OR7A10: variants seen among roughly 807,000 people sequenced by gnomAD.
OR7A10 encodes the protein olfactory receptor family 7 subfamily A member 10.
For missense variants in OR7A10, 358 were observed against 370.1 expected (o/e 0.97, Z 0.27); for synonymous variants, 144 against 144.5 (o/e 1.00, Z 0.02).
intron 1 of OR7A10, 80 bp downstream of exon 1, chr19:14,848,420 T>C (rs1033703892): frequency 1.1e-4 from 17 of 152,262 alleles, no homozygotes; most frequent in African/African-American, 3.6e-4. Flanking sequence ...GCAGCTAGGA[T>C]TGGCTCTTTC....
chr19:14,848,539 T>C lies in OR7A10; in HGVS notation c.-52A>G, dbSNP rs544675616. 2.6e-5 allele frequency: 4 copies of C among 152,358 alleles called. No individual in the cohort carries two copies. In the Middle Eastern group the frequency reaches 0.014, roughly 515 times the overall value. The allele number at this position is 152,358 out of a possible 1,614,324, so 9.4% of individuals were successfully genotyped here. ...TGAAATGAAGGTCTCAATCTAGAAG[T>C]GCAAATTCCTCCCTGGATGGTTGAT... On this transcript the variant is annotated 5_prime_UTR_variant, in exon 1 of 2. Coordinates refer to ENST00000641129, the MANE Select transcript of OR7A10 (RefSeq NM_001005190.2).
intron 1 of OR7A10, among the ~76,000 whole-genome samples, chr19:14,846,973 A>G (rs2044945852): frequency 6.6e-6 from 1 of 152,232 alleles, no homozygotes; most frequent in Non-Finnish European, 1.5e-5. Flanking sequence ...GGGAGACACA[A>G]TGTGACCGAT....
chr19:14,848,121 T>TAA lies in OR7A10; in HGVS notation c.-13+377_-13+378dup, dbSNP rs34015234. ...CTGGGCGACAGAGTAAGACTCTGTC[T>TAA]AAAAAAAAAAAAATGCCCTCACTTC... is the stretch of plus-strand genomic sequence containing the variant. On this transcript the variant is annotated intron_variant, in intron 1 of 1. Transcript: ENST00000641129. 3.7e-4 allele frequency among the ~76,000 whole-genome samples: 54 copies of TAA among 145,576 alleles called. No individual in the cohort carries two copies. The South Asian group carries it at 3.7e-3, about 10-fold the overall frequency.
At chr19:14,847,723 C>A (rs1053630372) in intron 1 of OR7A10, among the ~76,000 whole-genome samples, 65 of 151,720 alleles carry the variant, frequency 4.3e-4, no homozygotes, top group African/African-American at 1.4e-3. Context: ...ACTGTGTTAG[C>A]TAGGATGGTC....
In OR7A10 at chr19:14,840,546, T is replaced by G. The variant is rs755491193; in HGVS notation, c.*402A>C. The G allele has an allele frequency of 6.2e-6, 1 of 160,476 alleles. No homozygotes were observed. The highest frequency in any genetic ancestry group is 1.4e-5 in the Non-Finnish European group (1 of 73,116). The allele number at this position is 160,476 out of a possible 1,614,324, so 9.9% of individuals were successfully genotyped here. On this transcript the variant is annotated 3_prime_UTR_variant, in exon 2 of 2. Coordinates refer to ENST00000641129, the MANE Select transcript of OR7A10 (RefSeq NM_001005190.2). The stretch of plus-strand genomic sequence containing the variant: ...TGTTAGGACAATGGAAGGAGTCATA[T>G]TTGTAGGCAGCACTGGAAAACATTA...
chr19:14,843,881 G>C (rs1406581321), intron 1 of OR7A10, among the ~76,000 whole-genome samples: 1 of 152,148 alleles, frequency 6.6e-6, no homozygotes, highest in Non-Finnish European at 1.5e-5. Context: ...ATGGACACAG[G>C]GAGGGGAACA....
At chr19:14,844,664 G>GTCTTTTTTTTTTTTTTT (rs2044931541) in intron 1 of OR7A10, among the ~76,000 whole-genome samples, 1 of 97,660 alleles carries the variant, frequency 1.0e-5, no homozygotes, top group Non-Finnish European at 2.0e-5. Context: ...TGAGTTCTGT[G>GTCTTTTTTTTTTTTTTT]TTTTTTTTTT....
At chr19:14,845,895 C>T (rs1266820930) in intron 1 of OR7A10, among the ~76,000 whole-genome samples, 1 of 152,134 alleles carries the variant, frequency 6.6e-6, no homozygotes, top group African/African-American at 2.4e-5. Context: ...ACAATTTTAA[C>T]ATAAAAATTC....
At position 14,841,400 on chromosome 19, in the gene OR7A10, T is replaced by C; in HGVS notation, c.478A>G (p.Ser160Gly). ...AAGGGCAGTGGCAACACCATTAAGC[T>C]TTGTAACATGGAATTCAGAACACTC... ...IMSVLNSMLQ[S>G]LMVLPLPFCT... Residue 160 changes from serine (S) to glycine (G), a missense_variant, in exon 2 of 2, where the codon AGC becomes GGC. By Grantham distance (56) the Ser-to-Gly change is moderately conservative (BLOSUM62 0). Coordinates refer to ENST00000641129, the MANE Select transcript of OR7A10 (RefSeq NM_001005190.2). 6.2e-7 allele frequency: 1 copy of C among 1,614,066 alleles called. No homozygotes were observed. Among genetic ancestry groups the C allele is most frequent in the South Asian group, 1.1e-5 (1 of 91,072 alleles).
chr19:14,847,192 C>T (rs1242576578), intron 1 of OR7A10, among the ~76,000 whole-genome samples: 1 of 152,080 alleles, frequency 6.6e-6, no homozygotes, highest in East Asian at 1.9e-4. Flanking sequence ...ATAAAAAACA[C>T]GAATAAAATC....
Position 14,841,862 on chromosome 19 carries a change from T to A in OR7A10, c.16A>T (p.Asn6Tyr). ...AGAAGAAATTCTAAAATTATTGTATTGTTCCATGATTTCATCTTGTGATGT... is the reference window on the plus strand; with the variant it reads ...AGAAGAAATTCTAAAATTATTGTATAGTTCCATGATTTCATCTTGTGATGT... Reference protein sequence around the residue: MKSWNNTIILEFLLLG... With the variant: MKSWNYTIILEFLLLG... The change falls in exon 2 of 2, where the codon AAT becomes TAT. Residue 6 changes from asparagine to tyrosine, a missense_variant. Coordinates refer to ENST00000641129, the MANE Select transcript of OR7A10 (RefSeq NM_001005190.2). The A allele has an allele frequency of 1.2e-6, 2 of 1,605,910 alleles. No homozygotes were observed. Among genetic ancestry groups the A allele is most frequent in the African/African-American group, 1.3e-5 (1 of 74,672 alleles).
intron 1 of OR7A10, among the ~76,000 whole-genome samples, chr19:14,844,566 A>ATGT (rs992773658): frequency 1.3e-5 from 2 of 151,364 alleles, no homozygotes; most frequent in Non-Finnish European, 2.9e-5. Context: ...CTCGGTCCTG[A>ATGT]TGTTGTTGCA....
At chr19:14,843,881 G>A (rs1406581321) in intron 1 of OR7A10, among the ~76,000 whole-genome samples, 2 of 152,146 alleles carry the variant, frequency 1.3e-5, no homozygotes, top group East Asian at 3.9e-4. Flanking sequence ...ATGGACACAG[G>A]GAGGGGAACA....
rs1267051486 is a variant in OR7A10, at chr19:14,848,666, C to T, written c.-179G>A. The T allele has an allele frequency of 2.0e-5, 3 of 152,110 alleles. No homozygotes were observed. The highest frequency in any genetic ancestry group is 4.4e-5 in the Non-Finnish European group (3 of 68,060). 9.4% of individuals were successfully genotyped at this position (152,110 alleles called of 1,614,324 possible). A position where few individuals can be genotyped will look rare whatever the true frequency, so the allele number is the denominator to read the frequency against. On this transcript the variant is annotated 5_prime_UTR_variant, in exon 1 of 2. Coordinates refer to ENST00000641129, the MANE Select transcript of OR7A10 (RefSeq NM_001005190.2). Reference sequence around the variant, plus strand: ...TAGACTCCGAAAGAAACAAGGATGTCCCATCCAGCCCAAGGTTGCATATGC... The same window carrying T: ...TAGACTCCGAAAGAAACAAGGATGTTCCATCCAGCCCAAGGTTGCATATGC...
At chr19:14,844,442 G>T (rs1423927467) in intron 1 of OR7A10, among the ~76,000 whole-genome samples, 2 of 152,120 alleles carry the variant, frequency 1.3e-5, no homozygotes, top group Non-Finnish European at 2.9e-5. Context: ...GGCTAACAAG[G>T]AATCCAGTGT....
chr19:14,848,155 T>A (rs978054342), intron 1 of OR7A10, among the ~76,000 whole-genome samples: 16 of 151,676 alleles, frequency 1.1e-4, no homozygotes, highest in Admixed American at 9.9e-4. Flanking sequence ...TCCTTTCGTA[T>A]CCCCCATAGC....
At position 14,848,782 on chromosome 19, in the gene OR7A10, A is replaced by C. The variant is rs1284310569; in HGVS notation, c.-295T>G. The C allele has an allele frequency of 6.6e-6, 1 of 152,240 alleles. No homozygotes were observed. Among genetic ancestry groups the C allele is most frequent in the Non-Finnish European group, 1.5e-5 (1 of 68,048 alleles). The allele number at this position is 152,240 out of a possible 1,614,324, so 9.4% of individuals were successfully genotyped here. On this transcript the variant is annotated 5_prime_UTR_variant, in exon 1 of 2. The change abolishes the stop of an existing upstream ORF in the 5' untranslated region. Coordinates refer to ENST00000641129, the MANE Select transcript of OR7A10 (RefSeq NM_001005190.2). ...TGTTATTCAACCCCTGATCACATTCAGTCCCTGTGGGACATTGCTCTTCAT... is the reference window on the plus strand; with the variant it reads ...TGTTATTCAACCCCTGATCACATTCCGTCCCTGTGGGACATTGCTCTTCAT...
In OR7A10 at chr19:14,841,829, T is replaced by C. The variant is rs2044915835; in HGVS notation, c.49A>G (p.Ile17Val). The change falls in exon 2 of 2, where the codon ATT becomes GTT. Residue 17 changes from isoleucine to valine, a missense_variant. Ile to Val is a conservative substitution (Grantham distance 29). Coordinates refer to ENST00000641129, the MANE Select transcript of OR7A10 (RefSeq NM_001005190.2). ...TIILEFLLLGISEEPELQAFL... is the reference protein window; with the variant it reads ...TIILEFLLLGVSEEPELQAFL... ...GCCTGCAATTCTGGTTCCTCTGAAATTCCCAGGAGAAGAAATTCTAAAATT... is the reference window on the plus strand; with the variant it reads ...GCCTGCAATTCTGGTTCCTCTGAAACTCCCAGGAGAAGAAATTCTAAAATT... 6.2e-7 allele frequency: 1 copy of C among 1,613,326 alleles called. No homozygotes were observed. The highest frequency in any genetic ancestry group is 1.7e-5 in the Admixed American group (1 of 59,920).
intron 1 of OR7A10, among the ~76,000 whole-genome samples, chr19:14,847,239 T>C (rs1359347289): frequency 6.6e-6 from 1 of 152,214 alleles, no homozygotes; most frequent in Admixed American, 6.5e-5. Flanking sequence ...AGAATTTTCA[T>C]AGATAATTTC....
Sources: gnomAD v4.1 joint callset for allele counts (sites outside exome capture counted in the v4.1 genomes callset) on GRCh38, gnomAD v4.1.1 for gene constraint, MANE v1.5 for transcripts, NCBI Gene and HGNC (gene_info 2026-07-23, HGNC 2026-07-21) for gene names.